SRRM1: variants seen among roughly 807,000 people sequenced by gnomAD.
SRRM1 encodes serine/arginine repetitive matrix protein 1.
In SRRM1, 19 loss-of-function variants were observed where a neutral mutation model predicts 110.2. The observed-to-expected ratio is 0.17, with a 90% confidence interval of 0.12 to 0.25. The LOEUF is 0.25. Ranked by LOEUF, SRRM1 falls within the 10% of genes least tolerant of loss-of-function variation. SRRM1 has a pLI of 1.00. For synonymous variants in SRRM1, 443 were observed against 414.9 expected (o/e 1.07, Z -0.82); for missense variants, 918 against 1,145.8 (o/e 0.80, Z 2.87).
At chr1:24,655,916 C>T (rs1663803725) in intron 9 of SRRM1, among the ~76,000 whole-genome samples, 1 of 152,122 alleles carries the variant, frequency 6.6e-6, no homozygotes, top group African/African-American at 2.4e-5. Context: ...TAGGTTAACA[C>T]ACGCTGGGGT....
chr1:24,661,176 T>C (rs1351331498), intron 10 of SRRM1, 134 bp from the exon 11 acceptor site: 6 of 608,734 alleles, frequency 9.9e-6, no homozygotes, highest in South Asian at 2.5e-5. Flanking sequence ...TTAAACTCTT[T>C]TTAAAAAAAA....
rs1660632157 is a variant in SRRM1, at chr1:24,651,463, G to A, written c.576G>A (p.Glu192=). Residue 192 remains glutamate, a synonymous_variant, in exon 6 of 17, where the codon GAG becomes GAA. Transcript: ENST00000323848. ...GACGATCTTCCCCTGTCAGGAGAGA[G>A]AGAAAGCGCAGTCATTCTCGATCTC... is the stretch of plus-strand genomic sequence containing the variant. ...PRRRSSPVRR[E]RKRSHSRSPR... 6.2e-7 allele frequency: 1 copy of A among 1,614,046 alleles called. No individual in the cohort carries two copies. The highest frequency in any genetic ancestry group is 8.5e-7 in the Non-Finnish European group (1 of 1,180,042).
intron 5 of SRRM1, 114 bp from the exon 6 acceptor site, chr1:24,651,295 A>G: frequency 1.2e-6 from 1 of 801,916 alleles, no homozygotes; most frequent in Non-Finnish European, 2.0e-6. Context: ...CCATAGGGAA[A>G]CATCTCAGAT....
intron 14 of SRRM1, 24 bp downstream of exon 14, chr1:24,669,611 A>G: frequency 6.7e-7 from 1 of 1,499,266 alleles, no homozygotes; most frequent in Non-Finnish European, 9.0e-7. Flanking sequence ...ATGCTTTTCC[A>G]TTAGGAATAC....
intron 9 of SRRM1, among the ~76,000 whole-genome samples, chr1:24,656,435 A>C (rs1213816567): frequency 6.6e-6 from 1 of 152,212 alleles, no homozygotes; most frequent in East Asian, 1.9e-4. Flanking sequence ...GCAGCTAGTG[A>C]AAGTAGAGAA....
At chr1:24,652,062 A>ATATATG (rs1661229576) in intron 6 of SRRM1, among the ~76,000 whole-genome samples, 3 of 132,452 alleles carry the variant, frequency 2.3e-5, no homozygotes, top group African/African-American at 5.6e-5. Flanking sequence ...ATATATATAT[A>ATATATG]TGTACACACA....
At position 24,662,670 on chromosome 1, in the gene SRRM1, C is replaced by T. The variant is rs1021661865; in HGVS notation, c.1494C>T (p.Ser498=). 5.0e-6 allele frequency: 8 copies of T among 1,613,572 alleles called. No individual in the cohort carries two copies. Among genetic ancestry groups the T allele is most frequent in the South Asian group, 1.1e-5 (1 of 91,020 alleles). The change falls in exon 12 of 17, where the codon TCC becomes TCT. Residue 498 remains serine, a synonymous_variant. Transcript: ENST00000323848. ...ATTTTGTAATTATAGACTCTGGCTCCTCCTCCTCCTCAGAAGATGAACGAC... is the reference window on the plus strand; with the variant it reads ...ATTTTGTAATTATAGACTCTGGCTCTTCCTCCTCCTCAGAAGATGAACGAC... The part of the protein sequence containing the change: ...QNQQSSSDSG[S]SSSSEDERPK...
chr1:24,669,524 C>T lies in SRRM1; in HGVS notation c.2141C>T (p.Pro714Leu), dbSNP rs538052878. The T allele has an allele frequency of 1.6e-5, 26 of 1,608,762 alleles. No homozygotes were observed. Among genetic ancestry groups the T allele is most frequent in the Middle Eastern group, 3.3e-4 (2 of 6,056 alleles). The change falls in exon 14 of 17, where the codon CCG (proline) becomes CTG (leucine). Residue 714 changes from proline (P) to leucine (L), a missense_variant. By Grantham distance (98) the Pro-to-Leu change is moderately conservative. Around this residue, in one of 5 missense-constraint regions of SRRM1, gnomAD observed 357 missense variants for 402.9 expected, o/e 0.89. Coordinates refer to ENST00000323848, the MANE Select transcript of SRRM1 (RefSeq NM_005839.4). ...TCATCACCCCAAAGAAGGCAGTCCC[C>T]GTCTCCAAGTACTAGGCCCATTAGG... is the stretch of plus-strand genomic sequence containing the variant. ...ASSSPQRRQS[P>L]SPSTRPIRRV...
chr1:24,668,466 A>G (rs781500166), intron 13 of SRRM1, among the ~76,000 whole-genome samples: 16 of 152,244 alleles, frequency 1.1e-4, no homozygotes, highest in African/African-American at 1.9e-4. Flanking sequence ...TTGCCAAAAT[A>G]TATGGCCTAT....
chr1:24,671,001 G>C (rs1320435951), intron 15 of SRRM1, among the ~76,000 whole-genome samples: 1 of 152,170 alleles, frequency 6.6e-6, no homozygotes, highest in Non-Finnish European at 1.5e-5. Context: ...CTAATGGCTG[G>C]TACCATTTAT....
At chr1:24,659,010 A>G (rs1416019821) in intron 9 of SRRM1, among the ~76,000 whole-genome samples, 1 of 152,194 alleles carries the variant, frequency 6.6e-6, no homozygotes, top group Non-Finnish European at 1.5e-5. Flanking sequence ...CGTGACCAAC[A>G]TGGAGAAACC....
Position 24,669,330 on chromosome 1 carries a change from C to A in SRRM1, c.1947C>A (p.Thr649=). ...CCAAACAAAGAAGCTCCCCAGTCAC[C>A]AAGAGACGTTCACCTTCATTATCAT... ...PPPKQRSSPV[T]KRRSPSLSSK... Residue 649 remains threonine, a synonymous_variant, in exon 14 of 17, where the codon ACC becomes ACA. Transcript: ENST00000323848. 6.2e-7 allele frequency: 1 copy of A among 1,614,184 alleles called. No homozygotes were observed. Among genetic ancestry groups the A allele is most frequent in the East Asian group, 2.2e-5 (1 of 44,884 alleles).
intron 13 of SRRM1, among the ~76,000 whole-genome samples, chr1:24,667,944 A>C (rs1372644909): frequency 6.8e-6 from 1 of 146,368 alleles, no homozygotes; most frequent in Non-Finnish European, 1.5e-5. Context: ...TTGCCAAGCA[A>C]TGTAATGACA....
intron 16 of SRRM1, 117 bp from the exon 17 acceptor site, chr1:24,672,058 CTCCCCCT>C: frequency 1.5e-6 from 1 of 683,490 alleles, no homozygotes; most frequent in Non-Finnish European, 2.5e-6. Context: ...TCCCTCCCTG[CTCCCCCT>C]ACCCCACAAC....
chr1:24,656,857 T>C (rs890981532), intron 9 of SRRM1, among the ~76,000 whole-genome samples: 1 of 152,232 alleles, frequency 6.6e-6, no homozygotes, highest in African/African-American at 2.4e-5. Context: ...CAGATGCTAA[T>C]TTCTTGTGTT....
chr1:24,644,262 C>T (rs942663513), intron 1 of SRRM1, among the ~76,000 whole-genome samples: 2 of 152,158 alleles, frequency 1.3e-5, no homozygotes, highest in Non-Finnish European at 2.9e-5. Context: ...CCATAGTCCC[C>T]TCCTGTAGGA....
chr1:24,654,797 C>T (rs1663051991), intron 8 of SRRM1, 58 bp from the exon 9 acceptor site: 2 of 1,599,900 alleles, frequency 1.3e-6, no homozygotes, highest in Non-Finnish European at 1.7e-6. Context: ...CTGTTCATAC[C>T]TGTAAGGCCG....
At chr1:24,648,498 A>G (rs1402827285) in intron 3 of SRRM1, 22 of 165,388 alleles carry the variant, frequency 1.3e-4, no homozygotes, top group Non-Finnish European at 1.3e-5. Context: ...AGGCAAGCAA[A>G]TACTTTTCTT....
intron 12 of SRRM1, chr1:24,663,278 C>T (rs1668173146): frequency 2.7e-5 from 36 of 1,355,954 alleles, no homozygotes; most frequent in Non-Finnish European, 3.5e-5. Flanking sequence ...ATTGTAGTGA[C>T]TTAATTTCCT....
Sources: gnomAD v4.1 joint callset for allele counts (sites outside exome capture counted in the v4.1 genomes callset) on GRCh38, gnomAD v4.1.1 for gene constraint, gnomAD v4.1.1 regional missense constraint, MANE v1.5 for transcripts, NCBI Gene and HGNC (gene_info 2026-07-23, HGNC 2026-07-21) for gene names.